The following IQSEC1 variants were observed in gnomAD, a reference collection of about 807,000 sequenced individuals.
The protein encoded by IQSEC1 is IQ motif and SEC7 domain-containing protein 1.
A neutral mutation model predicts 91.0 loss-of-function variants in IQSEC1; 31 were observed. The observed-to-expected ratio is 0.34, with a 90% CI of 0.26 to 0.46. IQSEC1 has a LOEUF of 0.46. IQSEC1 is among the 20% of genes least tolerant of loss of function. The probability of loss-of-function intolerance (pLI) is 1.00; values close to 1 mark genes in which losing one functional copy is unlikely to be tolerated. For synonymous variants in IQSEC1, 699 were observed against 662.6 expected, an observed-to-expected ratio of 1.05 and a Z score of -0.84; for missense variants, 1,388 against 1,575.6, an observed-to-expected ratio of 0.88 and a Z score of 2.02.
intron 1 of IQSEC1, among the ~76,000 whole-genome samples, chr3:13,060,928 T>A (rs972153592): frequency 6.6e-6 from 1 of 152,230 alleles, no homozygotes; most frequent in Non-Finnish European, 1.5e-5. Context: ...AGGAGCTATG[T>A]CCCTCATGGA....
At chr3:13,054,433 C>T (rs927292938) in intron 1 of IQSEC1, among the ~76,000 whole-genome samples, 16 of 152,238 alleles carry the variant, frequency 1.1e-4, no homozygotes, top group African/African-American at 3.9e-4. Flanking sequence ...GTCCCCCACA[C>T]GCCAGGCCCT....
intron 1 of IQSEC1, among the ~76,000 whole-genome samples, chr3:13,031,498 G>A (rs938422217): frequency 1.3e-5 from 2 of 152,198 alleles, no homozygotes; most frequent in African/African-American, 4.8e-5. Flanking sequence ...CAGGTCTCCC[G>A]GCAAGCCCAT....
intron 1 of IQSEC1, among the ~76,000 whole-genome samples, chr3:13,166,217 A>C (rs1163266670): frequency 6.6e-6 from 1 of 152,226 alleles, no homozygotes; most frequent in African/African-American, 2.4e-5. Context: ...TTGATAGCTA[A>C]CACACAGTTC....
intron 2 of IQSEC1, among the ~76,000 whole-genome samples, chr3:13,093,742 T>C (rs968421630): frequency 2.0e-5 from 3 of 152,100 alleles, no homozygotes; most frequent in Non-Finnish European, 4.4e-5. Context: ...CACAGTTGGA[T>C]CCACTGTCTG....
At chr3:12,939,958 C>A (rs1296254464) in intron 2 of IQSEC1, among the ~76,000 whole-genome samples, 3 of 152,232 alleles carry the variant, frequency 2.0e-5, no homozygotes, top group African/African-American at 2.4e-5. Context: ...GCACCCAACA[C>A]AGTGTCTGGT....
rs562264537 is a variant in IQSEC1, at chr3:13,193,491, G to A, written c.273-29358C>T. ...GGGGATGAAGGATGTGGACGGTCGG[G>A]TGGTGACTGGGAACAAGGCACAGAG... is the stretch of plus-strand genomic sequence containing the variant. On this transcript the variant is annotated intron_variant, in intron 1 of 15. Coordinates refer to the IQSEC1 transcript ENST00000648114. The surrounding 1 kb of genome is among the most constrained non-coding windows in gnomAD (Gnocchi z 4.2). 7.3e-3 allele frequency among the ~76,000 whole-genome samples: 1,110 copies of A among 152,284 alleles called. 15 individuals carry two copies. Among genetic ancestry groups the A allele is most frequent in the African/African-American group, 0.025 (1,055 of 41,538 alleles).
chr3:13,204,622 T>C (rs1346807725), intron 1 of IQSEC1, among the ~76,000 whole-genome samples: 4 of 152,168 alleles, frequency 2.6e-5, no homozygotes, highest in Admixed American at 2.6e-4. Flanking sequence ...CCGGGATTCC[T>C]GGGCGGAAAA....
intron 2 of IQSEC1, among the ~76,000 whole-genome samples, chr3:13,129,801 G>A (rs552738215): frequency 1.3e-5 from 2 of 151,634 alleles, no homozygotes; most frequent in African/African-American, 2.4e-5. Context: ...GGGACTACAG[G>A]TGCCCAACAC....
In IQSEC1 at chr3:12,935,856, A is replaced by G; in HGVS notation, c.1160T>C (p.Leu387Pro). 6.2e-7 allele frequency: 1 copy of G among 1,607,888 alleles called. No individual in the cohort carries two copies. The highest frequency in any genetic ancestry group is 8.5e-7 in the Non-Finnish European group (1 of 1,179,862). Residue 387 changes from leucine (L) to proline (P), a missense_variant, in exon 3 of 14, where the codon CTC becomes CCC. Transcript: ENST00000613206. The surrounding 1 kb of genome is among the most constrained non-coding windows in gnomAD (Gnocchi z 8.0). ...DLSDRSERGS[L>P]KRQSAYERSL... ...GCGCTCGTAAGCACTCTGCCTCTTG[A>G]GTGACCCCCGCTCCGAGCGGTCACT...
At chr3:13,015,409 C>T (rs976071974) in intron 1 of IQSEC1, among the ~76,000 whole-genome samples, 1 of 152,164 alleles carries the variant, frequency 6.6e-6, no homozygotes, top group African/African-American at 2.4e-5. Flanking sequence ...TGTGTGCATT[C>T]CAGGCAGTGA....
chr3:13,129,371 T>G (rs1706568632), intron 2 of IQSEC1, among the ~76,000 whole-genome samples: 1 of 152,218 alleles, frequency 6.6e-6, no homozygotes, highest in East Asian at 1.9e-4. Context: ...TTTTCTCGTT[T>G]TCTTCTGGAT....
At chr3:13,064,035 A>C (rs1705157938) in intron 1 of IQSEC1, among the ~76,000 whole-genome samples, 1 of 151,766 alleles carries the variant, frequency 6.6e-6, no homozygotes, top group Non-Finnish European at 1.5e-5. Flanking sequence ...ATACAGAGAG[A>C]TCTTATATAC....
chr3:13,137,737 C>T (rs190718724), intron 2 of IQSEC1, among the ~76,000 whole-genome samples: 25 of 152,258 alleles, frequency 1.6e-4, no homozygotes, highest in African/African-American at 5.5e-4. Context: ...GTGGGAGGAT[C>T]GCTTGAGCGC....
chr3:13,047,960 G>C (rs1328976527), intron 1 of IQSEC1, among the ~76,000 whole-genome samples: 1 of 152,186 alleles, frequency 6.6e-6, no homozygotes, highest in Non-Finnish European at 1.5e-5. Flanking sequence ...CGGCAGCCCA[G>C]GGGCCCTGGA....
chr3:13,156,918 G>A (rs1707094710), intron 2 of IQSEC1, among the ~76,000 whole-genome samples: 1 of 152,240 alleles, frequency 6.6e-6, no homozygotes, highest in South Asian at 2.1e-4. Context: ...AGGCCAGAGT[G>A]TGATGACCAC....
intron 2 of IQSEC1, among the ~76,000 whole-genome samples, chr3:13,114,967 G>C (rs1205035625): frequency 6.6e-6 from 1 of 152,194 alleles, no homozygotes. Context: ...AGCCTGCGTG[G>C]GTGAGTGAGG....
chr3:13,049,175 C>T (rs1001399870), intron 1 of IQSEC1, among the ~76,000 whole-genome samples: 16 of 152,218 alleles, frequency 1.1e-4, no homozygotes, highest in African/African-American at 3.6e-4. Flanking sequence ...AGTCCTGGAT[C>T]TGGACAAGAG....
At chr3:13,057,068 C>T (rs1017348847) in intron 1 of IQSEC1, among the ~76,000 whole-genome samples, 5 of 152,142 alleles carry the variant, frequency 3.3e-5, no homozygotes, top group South Asian at 2.1e-4. Flanking sequence ...CAGAGACGGG[C>T]GGTATCTATG....
rs998388216 is a variant in IQSEC1, at chr3:12,900,012, G to A, written c.*971C>T. 1 of 985,394 alleles carries A rather than the reference G, an allele frequency of 1.0e-6. No individual in the cohort carries two copies. The highest frequency in any genetic ancestry group is 1.7e-5 in the African/African-American group (1 of 57,342). 61.0% of individuals were successfully genotyped at this position (985,394 alleles called of 1,614,324 possible). On this transcript the variant is annotated 3_prime_UTR_variant, in exon 14 of 14. Coordinates refer to ENST00000613206, the MANE Select transcript of IQSEC1 (RefSeq NM_001134382.3). ...TCACAGTTATCGCAGCCATTAAAGT[G>A]TCTAAGAATCCGTGTAACCAATGTC... is the stretch of plus-strand genomic sequence containing the variant.
Sources: allele counts gnomAD v4.1 joint callset (sites outside exome capture counted in the v4.1 genomes callset), GRCh38; gene constraint gnomAD v4.1.1; non-coding constraint Gnocchi (gnomAD v3.1); transcripts MANE v1.5; gene names NCBI Gene and HGNC (gene_info 2026-07-23, HGNC 2026-07-21).